The following ADAMTS6 variants were observed in gnomAD, a reference collection of about 807,000 sequenced individuals.
The protein encoded by ADAMTS6 is ADAM metallopeptidase with thrombospondin type 1 motif 6, also known as A disintegrin and metalloproteinase with thrombospondin motifs 6.
ADAMTS6 carries 23 observed loss-of-function variants against 144.3 expected under a neutral mutation model. The ratio of observed to expected loss-of-function variants is 0.16; its 90% CI spans 0.11 to 0.23. ADAMTS6 has a LOEUF of 0.23. ADAMTS6 is among the 10% of genes least tolerant of loss of function. ADAMTS6 has a pLI of 1.00. For missense variants in ADAMTS6, 999 were observed against 1,379.6 expected (o/e 0.72, Z 4.37); for synonymous variants, 444 against 457.5 (o/e 0.97, Z 0.38).
intron 10 of ADAMTS6, 125 bp downstream of exon 10, chr5:65,299,860 A>T: frequency 9.5e-7 from 1 of 1,050,198 alleles, no homozygotes; most frequent in Non-Finnish European, 1.3e-6. Context: ...TTTAGGAAAA[A>T]GTTGAAACAT....
intron 12 of ADAMTS6, among the ~76,000 whole-genome samples, chr5:65,269,494 G>A (rs1456354601): frequency 1.3e-5 from 2 of 152,190 alleles, no homozygotes; most frequent in East Asian, 3.9e-4. Context: ...TGACCCACTT[G>A]ATTCCCGTGA....
At chr5:65,313,943 C>T (rs1744736443) in intron 9 of ADAMTS6, among the ~76,000 whole-genome samples, 2 of 151,936 alleles carry the variant, frequency 1.3e-5, no homozygotes, top group African/African-American at 2.4e-5. Context: ...GTTCCCATTA[C>T]CCAATACATC....
intron 20 of ADAMTS6, among the ~76,000 whole-genome samples, chr5:65,199,705 A>T (rs1755613103): frequency 6.6e-6 from 1 of 152,204 alleles, no homozygotes; most frequent in Non-Finnish European, 1.5e-5. Context: ...AGCTAAATGT[A>T]GTTGGCAGGT....
In ADAMTS6 at chr5:65,271,749, C is replaced by T. The variant is rs919423988; in HGVS notation, c.1620+1591G>A. 2.6e-5 allele frequency among the ~76,000 whole-genome samples: 4 copies of T among 152,202 alleles called. No homozygotes were observed. In the South Asian group the frequency reaches 6.2e-4, roughly 24 times the overall value. ...AGAAACAGATTCTCCCTGTGACTCT[C>T]CCTCTTTATGGTTGTGTATTTCTTC... On this transcript the variant is annotated intron_variant, in intron 12 of 24. Transcript: ENST00000381055.
At chr5:65,408,950 A>G (rs998868574) in intron 7 of ADAMTS6, among the ~76,000 whole-genome samples, 1 of 152,230 alleles carries the variant, frequency 6.6e-6, no homozygotes, top group Non-Finnish European at 1.5e-5. Flanking sequence ...TTTGAAACCA[A>G]TGAGAACAAA....
Position 65,223,788 on chromosome 5 carries a change from C to T in ADAMTS6, c.2272+532G>A, listed in dbSNP as rs150497068. Reference sequence around the variant, plus strand: ...AATGATCATGTGAGTGTAGATATCTCTTTGAGATAGTGATTTTTTTTTTTT... The same window carrying T: ...AATGATCATGTGAGTGTAGATATCTTTTTGAGATAGTGATTTTTTTTTTTT... On this transcript the variant is annotated intron_variant, in intron 18 of 24. Transcript: ENST00000381055. Among the ~76,000 whole-genome samples, 727 of 146,910 alleles carry T rather than the reference C, an allele frequency of 4.9e-3. 3 individuals are homozygous for T. The highest frequency in any genetic ancestry group is 0.017 in the African/African-American group (681 of 39,280).
intron 7 of ADAMTS6, among the ~76,000 whole-genome samples, chr5:65,389,283 T>A (rs1752723514): frequency 6.6e-6 from 1 of 152,134 alleles, no homozygotes; most frequent in Non-Finnish European, 1.5e-5. Flanking sequence ...ATAATTATCA[T>A]ACAGTGGTAC....
chr5:65,431,933 C>T (rs1213412398), intron 7 of ADAMTS6, among the ~76,000 whole-genome samples: 6 of 151,898 alleles, frequency 4.0e-5, no homozygotes, highest in African/African-American at 1.5e-4. Context: ...GTACTTAAAA[C>T]CACGAAAATG....
At chr5:65,365,023 C>G (rs565310095) in intron 7 of ADAMTS6, among the ~76,000 whole-genome samples, 28 of 152,230 alleles carry the variant, frequency 1.8e-4, no homozygotes, top group African/African-American at 6.5e-4. Context: ...TTTGCTTGCT[C>G]AAGGCCCAGG....
chr5:65,320,867 A>G (rs931461261), intron 9 of ADAMTS6, among the ~76,000 whole-genome samples: 5 of 152,230 alleles, frequency 3.3e-5, no homozygotes, highest in African/African-American at 1.2e-4. Flanking sequence ...AAGTCCCTGC[A>G]AAGGACATGA....
intron 7 of ADAMTS6, among the ~76,000 whole-genome samples, chr5:65,369,239 A>G (rs573667827): frequency 6.6e-6 from 1 of 152,306 alleles, no homozygotes; most frequent in South Asian, 2.1e-4. Flanking sequence ...ACAAAAAATA[A>G]AAACAGAAAT....
intron 15 of ADAMTS6, among the ~76,000 whole-genome samples, chr5:65,237,117 G>A (rs1758728979): frequency 1.3e-5 from 2 of 151,988 alleles, no homozygotes; most frequent in South Asian, 4.1e-4. Context: ...AATAAGGCCA[G>A]GCATGGTGGC....
intron 8 of ADAMTS6, among the ~76,000 whole-genome samples, chr5:65,332,910 T>C (rs991310477): frequency 2.6e-5 from 4 of 152,146 alleles, no homozygotes; most frequent in Non-Finnish European, 5.9e-5. Context: ...GCATTGGCTA[T>C]TTGAGATTTC....
chr5:65,335,783 A>C (rs973851014), intron 7 of ADAMTS6, among the ~76,000 whole-genome samples: 6 of 152,294 alleles, frequency 3.9e-5, no homozygotes, highest in African/African-American at 1.4e-4. Context: ...TACATTATGC[A>C]ATCAGTATTT....
chr5:65,473,438 A>G, intron 2 of ADAMTS6, 139 bp downstream of exon 2: 1 of 663,420 alleles, frequency 1.5e-6, no homozygotes, highest in African/African-American at 1.8e-5. Flanking sequence ...TGAAACTAAT[A>G]CCGAATTGAC....
rs755324606 is a variant in ADAMTS6 at position 65,182,084 on chromosome 5, T to C, written c.2910+5932A>G. Among the ~76,000 whole-genome samples, 149 of 152,206 alleles carry C rather than the reference T, an allele frequency of 9.8e-4. 1 individual carries two copies. Among genetic ancestry groups the C allele is most frequent in the Non-Finnish European group, 1.6e-3 (112 of 68,012 alleles). On this transcript the variant is annotated intron_variant, in intron 22 of 24. Transcript: ENST00000381055. ...AGATGAAGAATGCGAAGAAAGACAA[T>C]TCATTCATCTCCATCTGAGAAGTCC...
intron 1 of ADAMTS6, among the ~76,000 whole-genome samples, chr5:65,480,721 C>A (rs1276603182): frequency 6.6e-6 from 1 of 152,134 alleles, no homozygotes; most frequent in Non-Finnish European, 1.5e-5. Flanking sequence ...CAGACCTACC[C>A]CGATAAACAA....
intron 3 of ADAMTS6, among the ~76,000 whole-genome samples, chr5:65,467,295 AT>A (rs1044478463): frequency 1.2e-4 from 19 of 152,068 alleles, no homozygotes; most frequent in African/African-American, 4.1e-4. Context: ...TAAGGAAATA[AT>A]TTTTTTAATT....
At chr5:65,245,778 C>G (rs1014183495) in intron 14 of ADAMTS6, among the ~76,000 whole-genome samples, 3 of 151,994 alleles carry the variant, frequency 2.0e-5, no homozygotes, top group Admixed American at 2.0e-4. Flanking sequence ...AACTACTCAA[C>G]TGTGCATTAT....
Sources: gnomAD v4.1 joint callset for allele counts (sites outside exome capture counted in the v4.1 genomes callset) on GRCh38, gnomAD v4.1.1 for gene constraint, MANE v1.5 for transcripts, NCBI Gene and HGNC (gene_info 2026-07-23, HGNC 2026-07-21) for gene names.